Variants in SPATA6 observed in about 807,000 individuals in gnomAD.
SPATA6 encodes the protein spermatogenesis associated 6.
Under a neutral mutation model 65.3 loss-of-function variants are expected in SPATA6, and 56 were observed. The ratio of observed to expected loss-of-function variants is 0.86; its 90% CI spans 0.69 to 1.07. SPATA6 has a LOEUF of 1.07. Among genes scored for constraint, SPATA6 ranks in the 50% least tolerant of loss-of-function variants. SPATA6 has a pLI of 0.00. For missense variants in SPATA6, 590 were observed against 594.8 expected, an observed-to-expected ratio of 0.99 and a Z score of 0.08; for synonymous variants, 199 against 213.2, an observed-to-expected ratio of 0.93 and a Z score of 0.58.
chr1:48,358,312 G>A (rs1646713159), intron 10 of SPATA6, among the ~76,000 whole-genome samples: 1 of 151,630 alleles, frequency 6.6e-6, no homozygotes, highest in African/African-American at 2.4e-5. Flanking sequence ...TGCAAAATAT[G>A]TGAAAAGGTA....
intron 11 of SPATA6, among the ~76,000 whole-genome samples, chr1:48,312,624 C>A (rs963851875): frequency 4.6e-5 from 7 of 152,048 alleles, no homozygotes; most frequent in Non-Finnish European, 8.8e-5. Flanking sequence ...ACTGAAAATT[C>A]TAAAAATCAG....
intron 9 of SPATA6, among the ~76,000 whole-genome samples, chr1:48,367,763 G>C (rs1227373462): frequency 6.6e-6 from 1 of 152,178 alleles, no homozygotes; most frequent in Non-Finnish European, 1.5e-5. Flanking sequence ...TTGCCAGTCT[G>C]TGTCTTTTAA....
intron 8 of SPATA6, among the ~76,000 whole-genome samples, chr1:48,394,000 C>A (rs1349314835): frequency 6.6e-6 from 1 of 151,924 alleles, no homozygotes; most frequent in East Asian, 1.9e-4. Flanking sequence ...CAAATTCAGT[C>A]CATAATAATA....
chr1:48,367,202 T>A lies in SPATA6; in HGVS notation c.910-7432A>T, dbSNP rs370543281. On this transcript the variant is annotated intron_variant, in intron 9 of 12. Transcript: ENST00000371847. The stretch of plus-strand genomic sequence containing the variant: ...CTGTTCTTTTACATTTGCTGAGGAG[T>A]GCTTTACTTCCAACTATGTGGTCAC... Among the ~76,000 whole-genome samples the A allele has an allele frequency of 2.0e-3, 301 of 152,232 alleles. 2 individuals carry two copies. Among genetic ancestry groups the A allele is most frequent in the Admixed American group, 0.013 (197 of 15,278 alleles).
chr1:48,305,271 C>T (rs1645033279), intron 12 of SPATA6, among the ~76,000 whole-genome samples: 1 of 152,102 alleles, frequency 6.6e-6, no homozygotes, highest in South Asian at 2.1e-4. Flanking sequence ...GGTATAACAT[C>T]CAAGAATTCA....
chr1:48,294,091 AATT>A (rs1360710063), downstream of SPATA6, among the ~76,000 whole-genome samples: 37 of 152,168 alleles, frequency 2.4e-4, no homozygotes, highest in Admixed American at 2.4e-3. Flanking sequence ...TTTCTTTCTT[AATT>A]ATTATTATTT....
chr1:48,414,951 T>G (rs1652615802), intron 3 of SPATA6, among the ~76,000 whole-genome samples: 1 of 150,620 alleles, frequency 6.6e-6, no homozygotes, highest in African/African-American at 2.4e-5. Flanking sequence ...GGAAACAACA[T>G]GTAAGAACAG....
chr1:48,428,809 G>GTGTGTGTGTGTGTGTGTGTGTGTA (rs144421737), intron 3 of SPATA6, among the ~76,000 whole-genome samples: 2 of 137,664 alleles, frequency 1.5e-5, no homozygotes, highest in African/African-American at 2.8e-5. Flanking sequence ...GTGTGTGTGT[G>GTGTGTGTGTGTGTGTGTGTGTGTA]TATATGTATA....
the SPATA6 span, among the ~76,000 whole-genome samples, chr1:48,279,722 C>T: frequency 6.6e-6 from 1 of 152,140 alleles, no homozygotes; most frequent in Admixed American, 6.5e-5. Flanking sequence ...GACTCCCACA[C>T]AATAATAATG....
the SPATA6 span, among the ~76,000 whole-genome samples, chr1:48,289,119 A>G: frequency 6.6e-6 from 1 of 152,152 alleles, no homozygotes; most frequent in African/African-American, 2.4e-5. Context: ...GACACCTCAT[A>G]TGGCCAGGTG....
intron 11 of SPATA6, among the ~76,000 whole-genome samples, chr1:48,354,570 A>G (rs1646603483): frequency 6.6e-6 from 1 of 152,086 alleles, no homozygotes; most frequent in African/African-American, 2.4e-5. Context: ...TGGCAACAAT[A>G]ATGAACTACT....
At chr1:48,307,827 C>T (rs749395023) in intron 11 of SPATA6, among the ~76,000 whole-genome samples, 16 of 151,466 alleles carry the variant, frequency 1.1e-4, no homozygotes, top group African/African-American at 3.6e-4. Flanking sequence ...GCCCTGTTGC[C>T]GTTATAAAAT....
chr1:48,290,446 G>A (rs1478140195), downstream of SPATA6, among the ~76,000 whole-genome samples: 3 of 152,186 alleles, frequency 2.0e-5, no homozygotes, highest in Admixed American at 6.5e-5. Context: ...ATCAACTAAC[G>A]AGCAAAATAA....
At position 48,399,960 on chromosome 1, in the gene SPATA6, T is replaced by C. The variant is rs996089151; in HGVS notation, c.487-316A>G. Among the ~76,000 whole-genome samples the C allele has an allele frequency of 5.3e-4, 7 of 13,158 alleles. No homozygotes were observed. The Non-Finnish European group carries it at 0.027, about 51-fold the overall frequency. The allele number at this position is 13,158 out of a possible 152,430, so 8.6% of individuals were successfully genotyped here. ...TCAAAAAAATTATTTTTCAGTATACTAAAAAAGTGCAAACATTGGTTACAT... is the reference window on the plus strand; with the variant it reads ...TCAAAAAAATTATTTTTCAGTATACCAAAAAAGTGCAAACATTGGTTACAT... On this transcript the variant is annotated intron_variant, in intron 6 of 12. Coordinates refer to ENST00000371847, the MANE Select transcript of SPATA6 (RefSeq NM_019073.4).
At chr1:48,289,243 T>C in the SPATA6 span, among the ~76,000 whole-genome samples, 1 of 152,062 alleles carries the variant, frequency 6.6e-6, no homozygotes, top group African/African-American at 2.4e-5. Context: ...GGGTCTGGAG[T>C]GGACCTCCAG....
chr1:48,395,238 G>T, intron 8 of SPATA6, 29 bp downstream of exon 8: 1 of 1,493,522 alleles, frequency 6.7e-7, no homozygotes, highest in Non-Finnish European at 9.0e-7. Context: ...GGCAACTACA[G>T]CAATGAATAA....
At chr1:48,338,451 A>G (rs1194439939) in intron 11 of SPATA6, among the ~76,000 whole-genome samples, 1 of 152,046 alleles carries the variant, frequency 6.6e-6, no homozygotes, top group Non-Finnish European at 1.5e-5. Flanking sequence ...CTGCTATCTC[A>G]CGATACTTAA....
At chr1:48,353,894 T>C (rs986500739) in intron 11 of SPATA6, among the ~76,000 whole-genome samples, 3 of 152,034 alleles carry the variant, frequency 2.0e-5, no homozygotes, top group Non-Finnish European at 4.4e-5. Flanking sequence ...TGATAAACTG[T>C]ATTCATTAGA....
rs1415426888 is a variant in SPATA6 at position 48,471,852 on chromosome 1, T to C, written c.51+106A>G. 12 of 1,331,832 alleles carry C rather than the reference T, an allele frequency of 9.0e-6. No individual in the cohort carries two copies. The Admixed American group carries it at 1.8e-4, about 20-fold the overall frequency. 82.5% of individuals were successfully genotyped at this position (1,331,832 alleles called of 1,614,324 possible). On this transcript the variant is annotated intron_variant, in intron 1 of 12. Coordinates refer to ENST00000371847, the MANE Select transcript of SPATA6 (RefSeq NM_019073.4). ...GCGTGAGGTCGACGCTCCCTAGGGA[T>C]GATTCGGAGGGTGAAGGAGGTTTGG...
Sources: gnomAD v4.1 joint callset for allele counts (sites outside exome capture counted in the v4.1 genomes callset) on GRCh38, gnomAD v4.1.1 for gene constraint, MANE v1.5 for transcripts, NCBI Gene and HGNC (gene_info 2026-07-23, HGNC 2026-07-21) for gene names.